Variants in PCDH9 observed in about 807,000 individuals in gnomAD.
The protein encoded by PCDH9 is protocadherin-9.
Under a neutral mutation model 70.6 loss-of-function variants are expected in PCDH9, and 24 were observed. That is an observed-to-expected ratio of 0.34 (90% CI 0.25 to 0.48). PCDH9 has a LOEUF of 0.48. Ranked by LOEUF, PCDH9 falls within the 20% of genes least tolerant of loss-of-function variation. The probability of loss-of-function intolerance (pLI) is 0.99; values close to 1 mark genes in which losing one functional copy is unlikely to be tolerated. For missense variants in PCDH9, 1,281 were observed against 1,503.6 expected (o/e 0.85, Z 2.45); for synonymous variants, 562 against 558.5 (o/e 1.01, Z -0.09).
intron 2 of PCDH9, among the ~76,000 whole-genome samples, chr13:67,131,271 TGAAA>T (rs1327454580): frequency 6.6e-6 from 1 of 152,096 alleles, no homozygotes; most frequent in East Asian, 1.9e-4. Context: ...GTAGAAGAGA[TGAAA>T]GAAATGGCTG....
intron 2 of PCDH9, among the ~76,000 whole-genome samples, chr13:67,187,253 A>G (rs1033358323): frequency 6.6e-6 from 1 of 152,178 alleles, no homozygotes; most frequent in Non-Finnish European, 1.5e-5. Context: ...TGATCCTCCT[A>G]GTAAATATAA....
chr13:67,028,630 T>C (rs1259437133), intron 2 of PCDH9, among the ~76,000 whole-genome samples: 3 of 151,734 alleles, frequency 2.0e-5, no homozygotes, highest in Non-Finnish European at 4.4e-5. Context: ...AATAAGGATG[T>C]TTATTAAAAG....
At chr13:67,006,659 T>C (rs755095438) in intron 2 of PCDH9, among the ~76,000 whole-genome samples, 3 of 152,208 alleles carry the variant, frequency 2.0e-5, no homozygotes, top group Non-Finnish European at 4.4e-5. Flanking sequence ...TAAGTTGAAT[T>C]AAGGTCATTT....
intron 2 of PCDH9, among the ~76,000 whole-genome samples, chr13:67,135,147 T>C (rs1242830276): frequency 1.3e-5 from 2 of 152,154 alleles, no homozygotes; most frequent in African/African-American, 4.8e-5. Context: ...TTTTGTCAAT[T>C]AAGTTTTAAG....
intron 2 of PCDH9, among the ~76,000 whole-genome samples, chr13:66,968,331 T>C (rs557329861): frequency 8.5e-5 from 13 of 152,122 alleles, no homozygotes; most frequent in Middle Eastern, 3.4e-3. Context: ...CAGACAACTA[T>C]GGGAATTACC....
intron 4 of PCDH9, chr13:66,306,041 G>C (rs1029429325): frequency 4.6e-5 from 7 of 151,974 alleles, no homozygotes; most frequent in African/African-American, 1.7e-4. Context: ...CCACGTGATA[G>C]ATAAATGATA....
At chr13:66,817,161 A>G (rs2080622707) in intron 3 of PCDH9, among the ~76,000 whole-genome samples, 1 of 152,142 alleles carries the variant, frequency 6.6e-6, no homozygotes, top group Admixed American at 6.5e-5. Flanking sequence ...TTCAAATACT[A>G]TGCTATTTTA....
rs773820374 is a variant in PCDH9, at chr13:66,645,348, G to T, written c.3139-13937C>A. ...TAGAAGAAAAAAGTACAATCATAGTGTTTCTGGTAAAAGAAGAAGTTGAAA... is the reference window on the plus strand; with the variant it reads ...TAGAAGAAAAAAGTACAATCATAGTTTTTCTGGTAAAAGAAGAAGTTGAAA... On this transcript the variant is annotated intron_variant, in intron 3 of 4. Coordinates refer to ENST00000377865, the MANE Select transcript of PCDH9 (RefSeq NM_203487.3). Among the ~76,000 whole-genome samples the T allele has an allele frequency of 3.4e-4, 52 of 152,000 alleles. 1 individual carries two copies. Among genetic ancestry groups the T allele is most frequent in the Non-Finnish European group, 8.8e-5 (6 of 67,956 alleles).
chr13:66,677,852 G>A (rs191173165), intron 3 of PCDH9, among the ~76,000 whole-genome samples: 55 of 152,168 alleles, frequency 3.6e-4, no homozygotes, highest in African/African-American at 1.2e-3. Flanking sequence ...ATACAAGAAT[G>A]GCCTAATACA....
chr13:66,529,877 G>A (rs1274920928), intron 4 of PCDH9, among the ~76,000 whole-genome samples: 2 of 130,020 alleles, frequency 1.5e-5, no homozygotes, highest in Non-Finnish European at 3.3e-5. Context: ...TCACCATGCT[G>A]TTAAAAAAAA....
At chr13:67,042,997 T>C (rs260158) in intron 2 of PCDH9, among the ~76,000 whole-genome samples, 151,130 of 152,250 alleles carry the variant, frequency 0.99, 75,021 homozygotes, top group East Asian at 1. Flanking sequence ...TTTGTAAAGT[T>C]CACAAGTTGT....
intron 1 of PCDH9, among the ~76,000 whole-genome samples, chr13:67,229,315 G>A (rs1226902370): frequency 2.0e-5 from 3 of 152,180 alleles, no homozygotes; most frequent in African/African-American, 7.2e-5. Flanking sequence ...TTTTCCTAGA[G>A]GTGGAAGAGA....
At chr13:67,022,822 C>G (rs749665587) in intron 2 of PCDH9, among the ~76,000 whole-genome samples, 1 of 152,110 alleles carries the variant, frequency 6.6e-6, no homozygotes, top group East Asian at 1.9e-4. Flanking sequence ...TATTGCTTAA[C>G]GTTCAGACAT....
At chr13:66,435,362 T>C (rs1274498715) in intron 4 of PCDH9, among the ~76,000 whole-genome samples, 1 of 152,136 alleles carries the variant, frequency 6.6e-6, no homozygotes. Context: ...TACGACATTA[T>C]CTAGAGCATA....
intron 4 of PCDH9, among the ~76,000 whole-genome samples, chr13:66,445,870 A>G (rs1294970470): frequency 2.0e-5 from 3 of 149,956 alleles, no homozygotes; most frequent in African/African-American, 4.9e-5. Context: ...AAAAAAATAT[A>G]TATCTATATT....
chr13:67,155,524 T>C (rs2087787189), intron 2 of PCDH9, among the ~76,000 whole-genome samples: 1 of 152,190 alleles, frequency 6.6e-6, no homozygotes, highest in Non-Finnish European at 1.5e-5. Context: ...TATTGTTGCA[T>C]TTTTAAAATA....
chr13:66,421,194 C>T (rs1476220846), intron 4 of PCDH9, among the ~76,000 whole-genome samples: 4 of 152,008 alleles, frequency 2.6e-5, no homozygotes, highest in Non-Finnish European at 4.4e-5. Context: ...AAGACCAAAC[C>T]TATGTTTGAT....
At chr13:66,843,558 C>T (rs1594135888) in intron 3 of PCDH9, among the ~76,000 whole-genome samples, 1 of 152,358 alleles carries the variant, frequency 6.6e-6, no homozygotes, top group East Asian at 1.9e-4. Context: ...CCTTCAGTCT[C>T]TGAATCTGAG....
intron 2 of PCDH9, among the ~76,000 whole-genome samples, chr13:66,970,355 A>C (rs2083498513): frequency 6.6e-6 from 1 of 151,928 alleles, no homozygotes; most frequent in African/African-American, 2.4e-5. Context: ...AAGTCTGGGC[A>C]TGGTGACTCA....
Sources: gnomAD v4.1 joint callset for allele counts (sites outside exome capture counted in the v4.1 genomes callset) on GRCh38, gnomAD v4.1.1 for gene constraint, MANE v1.5 for transcripts, NCBI Gene and HGNC (gene_info 2026-07-23, HGNC 2026-07-21) for gene names.